HERC1: variants seen among roughly 807,000 people sequenced by gnomAD.
HERC1 encodes HECT and RLD domain containing E3 ubiquitin protein ligase family member 1, also known as probable E3 ubiquitin-protein ligase HERC1.
In HERC1, 160 loss-of-function variants were observed where a neutral mutation model predicts 554.3. That is an observed-to-expected ratio of 0.29 (90% CI 0.25 to 0.33). HERC1 has a LOEUF of 0.33. Ranked by LOEUF, HERC1 falls within the 10% of genes least tolerant of loss-of-function variation. HERC1 has a pLI of 1.00. For missense variants in HERC1, 4,919 were observed against 5,918.5 expected (o/e 0.83, Z 5.54); for synonymous variants, 2,175 against 2,131.7 (o/e 1.02, Z -0.56).
At chr15:63,778,972 G>A (rs539850646) in intron 1 of HERC1, among the ~76,000 whole-genome samples, 1 of 151,658 alleles carries the variant, frequency 6.6e-6, no homozygotes, top group South Asian at 2.1e-4. Flanking sequence ...AGAAAGAAAG[G>A]GAAAGAGGTA....
Position 63,647,510 on chromosome 15 carries a change from A to C in HERC1, c.10878+559T>G, listed in dbSNP as rs536813369. Among the ~76,000 whole-genome samples the C allele has an allele frequency of 9.8e-5, 15 of 152,300 alleles. No homozygotes were observed. The East Asian group carries it at 2.9e-3, about 29-fold the overall frequency. On this transcript the variant is annotated intron_variant, in intron 55 of 77. Transcript: ENST00000443617. ...AATCCCACTACTGAGTATCTACCCA[A>C]AGGAAAATAATTCATTTTCTCAAAA...
chr15:63,669,786 C>T (rs2070811542), intron 39 of HERC1, 88 bp from the exon 40 acceptor site: 1 of 1,226,656 alleles, frequency 8.2e-7, no homozygotes, highest in Non-Finnish European at 1.2e-6. Context: ...AATATGCAAC[C>T]TGGAAGACTA....
chr15:63,706,955 C>A (rs758582293), intron 24 of HERC1, 124 bp from the exon 25 acceptor site: 4 of 605,452 alleles, frequency 6.6e-6, no homozygotes, highest in Non-Finnish European at 8.4e-6. Flanking sequence ...ATTCATCATT[C>A]AAGTCAAACT....
At chr15:63,829,541 G>T (rs1446667826) in intron 1 of HERC1, among the ~76,000 whole-genome samples, 2 of 42,782 alleles carry the variant, frequency 4.7e-5, no homozygotes, top group Non-Finnish European at 9.4e-5. Context: ...GCACATATAT[G>T]TATGTGTGTG....
chr15:63,732,952 G>A lies in HERC1; in HGVS notation c.2840C>T (p.Thr947Ile), dbSNP rs750660049. 4 of 1,612,668 alleles carry A rather than the reference G, an allele frequency of 2.5e-6. No homozygotes were observed. In the Admixed American group the frequency reaches 6.7e-5, roughly 27 times the overall value. The change falls in exon 14 of 78, where the codon ACC becomes ATC. Residue 947 changes from threonine (T) to isoleucine (I), a missense_variant. Physicochemically the swap from Thr to Ile is moderately conservative, Grantham distance 89. Coordinates refer to ENST00000443617, the MANE Select transcript of HERC1 (RefSeq NM_003922.4). ...ATAAAATCCTAAATTTCTTAAGAGG[G>A]TCTTCATCAAAATTTCAGCCAGGTG... The part of the protein sequence containing the change: ...DTHLAEILMK[T>I]LLRNLGFYTD...
At chr15:63,760,221 C>T (rs1489455159) in intron 3 of HERC1, among the ~76,000 whole-genome samples, 2 of 150,922 alleles carry the variant, frequency 1.3e-5, no homozygotes, top group African/African-American at 4.9e-5. Flanking sequence ...TTTTTTTTAA[C>T]ATTACACACA....
intron 27 of HERC1, among the ~76,000 whole-genome samples, chr15:63,695,294 C>T (rs957255399): frequency 2.6e-5 from 4 of 152,134 alleles, no homozygotes; most frequent in African/African-American, 9.7e-5. Context: ...GCCTTGGCCT[C>T]CCAAAGTGCT....
At chr15:63,713,288 T>C (rs750565761) in intron 23 of HERC1, 65 bp downstream of exon 23, 78 of 1,342,404 alleles carry the variant, frequency 5.8e-5, no homozygotes, top group Admixed American at 4.7e-4. Flanking sequence ...AAACAAACCA[T>C]TTCAGTGCAT....
intron 7 of HERC1, 95 bp downstream of exon 7, chr15:63,754,410 G>C (rs1384201336): frequency 1.0e-5 from 8 of 790,612 alleles, no homozygotes; most frequent in African/African-American, 1.8e-5. Flanking sequence ...ATCTGTATTT[G>C]AGTCATTCTA....
At position 63,668,819 on chromosome 15, in the gene HERC1, C is replaced by T. The variant is rs777872555; in HGVS notation, c.8206+719G>A. 9.9e-5 allele frequency among the ~76,000 whole-genome samples: 15 copies of T among 152,234 alleles called. 1 individual carries two copies. In the South Asian group the frequency reaches 2.5e-3, roughly 25 times the overall value. The stretch of plus-strand genomic sequence containing the variant: ...AGGAAATAGAAAAATCCACTATTAT[C>T]GTCACAGATTTCAACAACACTCTCT... On this transcript the variant is annotated intron_variant, in intron 40 of 77. Transcript: ENST00000443617.
At chr15:63,663,350 T>TATCA (rs1369937358) in intron 43 of HERC1, 146 bp from the exon 44 acceptor site, 18 of 668,114 alleles carry the variant, frequency 2.7e-5, no homozygotes, top group Middle Eastern at 3.9e-4. Flanking sequence ...AAATTATACC[T>TATCA]ATCACGTGTG....
chr15:63,709,486 T>C (rs1005934444), intron 24 of HERC1, among the ~76,000 whole-genome samples: 3 of 152,202 alleles, frequency 2.0e-5, no homozygotes, highest in Non-Finnish European at 2.9e-5. Flanking sequence ...ACCAAATTTA[T>C]TCTTCACAAC....
At chr15:63,641,418 T>C (rs757512373) in intron 60 of HERC1, 52 bp downstream of exon 60, 3 of 1,483,602 alleles carry the variant, frequency 2.0e-6, no homozygotes, top group Non-Finnish European at 2.8e-6. Context: ...TATAATCACA[T>C]TCCAAAGCAC....
intron 12 of HERC1, among the ~76,000 whole-genome samples, chr15:63,739,194 A>ATATATTTTTT (rs1567071803): frequency 1.2e-4 from 6 of 50,632 alleles, no homozygotes; most frequent in African/African-American, 4.1e-4. Context: ...CCACTAATAT[A>ATATATTTTTT]CTTTTTTTTT....
rs1046787074 is a variant in HERC1 at position 63,674,346 on chromosome 15, C to T, written c.7842G>A (p.Lys2614=). 1.9e-6 allele frequency: 3 copies of T among 1,591,204 alleles called. No homozygotes were observed. The highest frequency in any genetic ancestry group is 8.6e-7 in the Non-Finnish European group (1 of 1,168,254). ...LLEDQFGGKI[K]QEIDQQAEES... Reference sequence around the variant, plus strand: ...AAAAAAAATCAGATAACATACCTTGCTTAATTTTGCCCCCAAACTGGTCTT... The same window carrying T: ...AAAAAAAATCAGATAACATACCTTGTTTAATTTTGCCCCCAAACTGGTCTT... The change falls in exon 38 of 78, where the codon AAG becomes AAA. Residue 2614 remains lysine, a synonymous_variant. Coordinates refer to ENST00000443617, the MANE Select transcript of HERC1 (RefSeq NM_003922.4).
intron 33 of HERC1, among the ~76,000 whole-genome samples, chr15:63,687,669 C>T (rs2071853167): frequency 6.6e-6 from 1 of 152,070 alleles, no homozygotes; most frequent in Admixed American, 6.5e-5. Flanking sequence ...TCTCTGCTCT[C>T]ATAGAACTTT....
Position 63,624,330 on chromosome 15 carries a change from G to C in HERC1, c.13276-3C>G, listed in dbSNP as rs554429475. On this transcript the variant is annotated splice_polypyrimidine_tract_variant and splice_region_variant and intron_variant, in intron 71 of 77. Transcript: ENST00000443617. ...GCATTATAATGGGATGTGCTGTTCT[G>C]TAACAGAAGGTACGGTTATCAGAAA... is the stretch of plus-strand genomic sequence containing the variant. The C allele has an allele frequency of 6.3e-7, 1 of 1,587,086 alleles. No individual in the cohort carries two copies. Among genetic ancestry groups the C allele is most frequent in the South Asian group, 1.1e-5 (1 of 88,054 alleles).
chr15:63,733,376 C>G (rs966785655), intron 13 of HERC1, among the ~76,000 whole-genome samples: 3 of 152,102 alleles, frequency 2.0e-5, no homozygotes, highest in Non-Finnish European at 4.4e-5. Context: ...GCCTAAATCT[C>G]TAAGCTAACA....
At chr15:63,762,825 A>G (rs2075654556) in intron 3 of HERC1, among the ~76,000 whole-genome samples, 1 of 152,210 alleles carries the variant, frequency 6.6e-6, no homozygotes, top group Admixed American at 6.5e-5. Context: ...GTTGGGAAAA[A>G]GCTGAGTGTT....
Sources: allele counts gnomAD v4.1 joint callset (sites outside exome capture counted in the v4.1 genomes callset), GRCh38; gene constraint gnomAD v4.1.1; transcripts MANE v1.5; gene names NCBI Gene and HGNC (gene_info 2026-07-23, HGNC 2026-07-21).